DENND1A: variants seen among roughly 807,000 people sequenced by gnomAD.
DENND1A encodes the protein DENN domain containing 1A, also known as DENN domain-containing protein 1A.
Under a neutral mutation model 113.7 loss-of-function variants are expected in DENND1A, and 51 were observed. The ratio of observed to expected loss-of-function variants is 0.45; its 90% CI spans 0.36 to 0.57. The LOEUF is 0.57. Among genes scored for constraint, DENND1A ranks in the 20% least tolerant of loss-of-function variants. DENND1A has a pLI of 0.00. For missense variants in DENND1A, 1,258 were observed against 1,395.9 expected (o/e 0.90, Z 1.57); for synonymous variants, 565 against 570.8 (o/e 0.99, Z 0.14).
At chr9:123,509,546 A>G (rs2053264901) in intron 13 of DENND1A, among the ~76,000 whole-genome samples, 1 of 152,194 alleles carries the variant, frequency 6.6e-6, no homozygotes, top group African/African-American at 2.4e-5. Flanking sequence ...TGGGTCACAG[A>G]TGGATGGCAC....
intron 12 of DENND1A, among the ~76,000 whole-genome samples, chr9:123,573,211 A>G (rs1399148341): frequency 1.3e-5 from 2 of 152,150 alleles, no homozygotes; most frequent in Non-Finnish European, 2.9e-5. Flanking sequence ...CAAACAGGTA[A>G]TATAAGTCCT....
intron 2 of DENND1A, among the ~76,000 whole-genome samples, chr9:123,842,829 A>T (rs1242382264): frequency 6.6e-6 from 1 of 152,196 alleles, no homozygotes; most frequent in African/African-American, 2.4e-5. Context: ...TAAAAATGCA[A>T]AAATACTCAA....
At chr9:123,412,704 C>T (rs551746290) in intron 19 of DENND1A, among the ~76,000 whole-genome samples, 2 of 152,354 alleles carry the variant, frequency 1.3e-5, no homozygotes, top group Admixed American at 1.3e-4. Context: ...TGTCTTGATG[C>T]TCTCGCAGGC....
chr9:123,839,988 ATTAAT>A (rs1311507085), intron 2 of DENND1A, among the ~76,000 whole-genome samples: 1 of 152,178 alleles, frequency 6.6e-6, no homozygotes, highest in Non-Finnish European at 1.5e-5. Context: ...TTCTTTAATG[ATTAAT>A]TTACTTTAAG....
At chr9:123,675,826 G>A (rs1002450420) in intron 6 of DENND1A, among the ~76,000 whole-genome samples, 5 of 152,146 alleles carry the variant, frequency 3.3e-5, no homozygotes, top group Non-Finnish European at 7.4e-5. Flanking sequence ...TTTGACAAAT[G>A]TTTTAAAAAT....
chr9:123,547,306 G>A (rs1253216374), intron 13 of DENND1A, among the ~76,000 whole-genome samples: 1 of 152,274 alleles, frequency 6.6e-6, no homozygotes, highest in East Asian at 1.9e-4. Flanking sequence ...AAGGCAGGCA[G>A]ATCACCTGAG....
At chr9:123,744,384 T>C (rs2069291527) in intron 5 of DENND1A, among the ~76,000 whole-genome samples, 1 of 152,236 alleles carries the variant, frequency 6.6e-6, no homozygotes, top group Admixed American at 6.5e-5. Context: ...AACTATCCTC[T>C]ATTTCTAGGC....
At position 123,539,688 on chromosome 9, in the gene DENND1A, C is replaced by A. The variant is rs569589161; in HGVS notation, c.993+17882G>T. Among the ~76,000 whole-genome samples the A allele has an allele frequency of 1.2e-4, 18 of 152,078 alleles. No individual in the cohort carries two copies. In the South Asian group the frequency reaches 3.7e-3, roughly 32 times the overall value. On this transcript the variant is annotated intron_variant, in intron 13 of 23. Coordinates refer to ENST00000394215, the MANE Select transcript of DENND1A (RefSeq NM_001352964.2). The stretch of plus-strand genomic sequence containing the variant: ...CATGAGGTCAGGAGAGCGAGACCAT[C>A]CTGGCTAACACGGTGAAACCCCATC...
At chr9:123,699,761 G>C (rs2065773846) in intron 5 of DENND1A, among the ~76,000 whole-genome samples, 1 of 145,392 alleles carries the variant, frequency 6.9e-6, no homozygotes, top group Non-Finnish European at 1.5e-5. Context: ...GCAGTGGCGT[G>C]ATCTCAGCTT....
chr9:123,784,299 T>G (rs1357957589), intron 3 of DENND1A, among the ~76,000 whole-genome samples: 2 of 152,158 alleles, frequency 1.3e-5, no homozygotes, highest in Non-Finnish European at 2.9e-5. Flanking sequence ...TGATTTGATT[T>G]AGGTTTTAGA....
intron 15 of DENND1A, 111 bp downstream of exon 15, chr9:123,457,237 G>C (rs1272336763): frequency 2.5e-6 from 2 of 816,280 alleles, no homozygotes; most frequent in Non-Finnish European, 4.2e-6. Context: ...CTTGAAAGCA[G>C]TCTCTTCCTA....
chr9:123,691,383 T>C (rs1023670345), intron 5 of DENND1A, among the ~76,000 whole-genome samples: 1 of 152,140 alleles, frequency 6.6e-6, no homozygotes, highest in Non-Finnish European at 1.5e-5. Flanking sequence ...CACTAGACTG[T>C]AGTATCAGCT....
chr9:123,731,131 A>C (rs536871277), intron 5 of DENND1A, among the ~76,000 whole-genome samples: 5 of 152,308 alleles, frequency 3.3e-5, no homozygotes, highest in Admixed American at 2.6e-4. Flanking sequence ...GGGGAGGAAT[A>C]GCATTAGGAG....
intron 2 of DENND1A, among the ~76,000 whole-genome samples, chr9:123,846,347 T>C (rs1186324202): frequency 6.6e-6 from 1 of 152,182 alleles, no homozygotes; most frequent in Non-Finnish European, 1.5e-5. Context: ...CCTAGGTATA[T>C]ACCCAAAGGA....
chr9:123,708,869 A>G (rs1461240827), intron 5 of DENND1A, among the ~76,000 whole-genome samples: 2 of 152,188 alleles, frequency 1.3e-5, no homozygotes, highest in East Asian at 1.9e-4. Context: ...AGAAAACACC[A>G]CTTGATTTCT....
chr9:123,499,823 C>T (rs1001803124), intron 13 of DENND1A, among the ~76,000 whole-genome samples: 2 of 152,220 alleles, frequency 1.3e-5, no homozygotes, highest in African/African-American at 4.8e-5. Context: ...CACAGCTCTT[C>T]CGGCTCACAG....
At chr9:123,564,145 C>G (rs2057919304) in intron 12 of DENND1A, among the ~76,000 whole-genome samples, 2 of 152,212 alleles carry the variant, frequency 1.3e-5, no homozygotes, top group Admixed American at 6.5e-5. Context: ...AACCATCATC[C>G]TATTCTTTAG....
In DENND1A at chr9:123,899,497, G is replaced by A. The variant is rs369594544; in HGVS notation, c.18-20476C>T. Among the ~76,000 whole-genome samples the A allele has an allele frequency of 4.5e-4, 69 of 152,120 alleles. 1 individual carries two copies. Among genetic ancestry groups the A allele is most frequent in the African/African-American group, 1.6e-3 (68 of 41,496 alleles). On this transcript the variant is annotated intron_variant, in intron 1 of 23. Transcript: ENST00000394215. Reference sequence around the variant, plus strand: ...TTCCCAATTTGCATGAAAAAATAAGGTAATATAATTTTAAGTTTTCTTACC... The same window carrying A: ...TTCCCAATTTGCATGAAAAAATAAGATAATATAATTTTAAGTTTTCTTACC...
chr9:123,536,146 G>A (rs2055747188), intron 13 of DENND1A, among the ~76,000 whole-genome samples: 1 of 152,204 alleles, frequency 6.6e-6, no homozygotes, highest in Admixed American at 6.5e-5. Context: ...CTGGCTTCAT[G>A]TTGGTATTTG....
Sources: allele counts gnomAD v4.1 joint callset (sites outside exome capture counted in the v4.1 genomes callset), GRCh38; gene constraint gnomAD v4.1.1; transcripts MANE v1.5; gene names NCBI Gene and HGNC (gene_info 2026-07-23, HGNC 2026-07-21).